Variants in PON2 observed in about 807,000 individuals in gnomAD.
PON2 encodes the protein paraoxonase 2.
PON2 carries 27 observed loss-of-function variants against 36.6 expected under a neutral mutation model. That is an observed-to-expected ratio of 0.74 (90% CI 0.54 to 1.02). PON2 has a LOEUF of 1.02. PON2 is among the 50% of genes least tolerant of loss of function. The pLI, the probability that PON2 is intolerant of heterozygous loss-of-function variation, is 0.00. For missense variants in PON2, 363 were observed against 421.1 expected (o/e 0.86, Z 1.21); for synonymous variants, 149 against 156.3 (o/e 0.95, Z 0.35).
At chr7:95,434,777 G>A (rs1789524600) in intron 1 of PON2, 101 bp downstream of exon 1, 3 of 1,347,656 alleles carry the variant, frequency 2.2e-6, no homozygotes, top group South Asian at 1.3e-5. Context: ...GCAGGGCCAG[G>A]TCCCGCAGGA....
chr7:95,434,856 G>A (rs1443221805), intron 1 of PON2, 22 bp downstream of exon 1: 2 of 1,537,560 alleles, frequency 1.3e-6, no homozygotes, highest in Admixed American at 4.0e-5. Flanking sequence ...GCCGAGGAGG[G>A]GCGCGCGGGA....
At chr7:95,407,461 T>C (rs1441329788) in intron 6 of PON2, among the ~76,000 whole-genome samples, 1 of 152,194 alleles carries the variant, frequency 6.6e-6, no homozygotes, top group Non-Finnish European at 1.5e-5. Flanking sequence ...AAGAACATCT[T>C]ATTAAAATAG....
At chr7:95,431,715 C>T (rs890455730) in intron 1 of PON2, among the ~76,000 whole-genome samples, 3 of 151,950 alleles carry the variant, frequency 2.0e-5, no homozygotes, top group Non-Finnish European at 2.9e-5. Context: ...CCACTGTGTC[C>T]GGCCAAACAT....
At chr7:95,414,388 A>G (rs1789013137) in intron 3 of PON2, among the ~76,000 whole-genome samples, 2 of 152,232 alleles carry the variant, frequency 1.3e-5, no homozygotes, top group South Asian at 4.1e-4. Flanking sequence ...TAAATTTTAA[A>G]AAAAGTCAAA....
chr7:95,411,913 C>T (rs1788937326), intron 4 of PON2, 134 bp from the exon 5 acceptor site: 2 of 930,880 alleles, frequency 2.1e-6, no homozygotes, highest in Admixed American at 2.1e-5. Flanking sequence ...AGATCATTCT[C>T]TGTCTTTCCT....
intron 1 of PON2, among the ~76,000 whole-genome samples, chr7:95,431,346 C>T (rs759678785): frequency 4.6e-5 from 7 of 151,996 alleles, no homozygotes; most frequent in Admixed American, 1.3e-4. Context: ...CAGATTAAAG[C>T]AAAAATCAAA....
chr7:95,430,800 A>G (rs1041977874), intron 1 of PON2, among the ~76,000 whole-genome samples: 1 of 151,942 alleles, frequency 6.6e-6, no homozygotes, highest in African/African-American at 2.4e-5. Context: ...TTTTTAAAAG[A>G]TAGATTAAAA....
chr7:95,412,520 A>G, intron 3 of PON2, 43 bp from the exon 4 acceptor site: 2 of 1,580,134 alleles, frequency 1.3e-6, no homozygotes, highest in East Asian at 2.2e-5. Flanking sequence ...AAGCTTAAGT[A>G]TTTTTATGGA....
intron 3 of PON2, chr7:95,413,112 C>G (rs369584761): frequency 2.2e-4 from 16 of 73,230 alleles, no homozygotes; most frequent in African/African-American, 1.2e-3. Flanking sequence ...GACTCTGTCT[C>G]TACAAAAAAA....
intron 4 of PON2, 97 bp downstream of exon 4, chr7:95,412,212 ATTG>A (rs1585749090): frequency 1.4e-6 from 2 of 1,473,876 alleles, no homozygotes; most frequent in East Asian, 4.5e-5. Context: ...TCATGAGTTA[ATTG>A]TTCTTCTCTT....
At position 95,424,488 on chromosome 7, in the gene PON2, G is replaced by A. The variant is rs778825708; in HGVS notation, c.145+27C>T. ...TGTTAATGGCCAAAAAATGCAATGT[G>A]CCCAACAAGCATTTTCATATACATA... is the stretch of plus-strand genomic sequence containing the variant. On this transcript the variant is annotated intron_variant, in intron 2 of 8. Transcript: ENST00000222572. The A allele has an allele frequency of 3.1e-6, 5 of 1,587,394 alleles. No individual in the cohort carries two copies. In the South Asian group the frequency reaches 5.5e-5, roughly 18 times the overall value.
chr7:95,429,857 A>G (rs936208541), intron 1 of PON2, among the ~76,000 whole-genome samples: 16 of 152,290 alleles, frequency 1.1e-4, no homozygotes, highest in Non-Finnish European at 1.9e-4. Context: ...TAAGTAACTA[A>G]GAATCTGTGC....
At chr7:95,406,650 G>T (rs975009458) in intron 7 of PON2, among the ~76,000 whole-genome samples, 3 of 152,172 alleles carry the variant, frequency 2.0e-5, no homozygotes, top group Non-Finnish European at 4.4e-5. Context: ...ATTATTGAAA[G>T]AACTGACACT....
chr7:95,430,190 C>A, intron 1 of PON2, among the ~76,000 whole-genome samples: 1 of 152,010 alleles, frequency 6.6e-6, no homozygotes, highest in East Asian at 1.9e-4. Context: ...TTTGGCAGGG[C>A]TCAGTAGCTC....
chr7:95,416,120 C>T (rs547941751), intron 3 of PON2, 122 bp downstream of exon 3: 2 of 1,515,860 alleles, frequency 1.3e-6, no homozygotes, highest in South Asian at 1.2e-5. Flanking sequence ...CTTGTTTGAC[C>T]TCTCTTTTCT....
intron 2 of PON2, among the ~76,000 whole-genome samples, chr7:95,423,807 G>A (rs187442447): frequency 1.3e-5 from 2 of 152,114 alleles, no homozygotes; most frequent in South Asian, 2.1e-4. Context: ...CGTGTGGTTG[G>A]GGAGGCTTCA....
At position 95,422,901 on chromosome 7, in the gene PON2, T is replaced by C. The variant is rs183798791; in HGVS notation, c.145+1614A>G. Among the ~76,000 whole-genome samples the C allele has an allele frequency of 7.9e-5, 12 of 152,296 alleles. No individual in the cohort carries two copies. In the East Asian group the frequency reaches 1.7e-3, roughly 22 times the overall value. Reference sequence around the variant, plus strand: ...AACCATTAGTCTAATCACAAACTCATCATTATAGGTGACAAATACAAAAAC... The same window carrying C: ...AACCATTAGTCTAATCACAAACTCACCATTATAGGTGACAAATACAAAAAC... On this transcript the variant is annotated intron_variant, in intron 2 of 8. Coordinates refer to ENST00000222572, the MANE Select transcript of PON2 (RefSeq NM_000305.3).
At chr7:95,410,142 T>C (rs1202910271) in intron 5 of PON2, 41 bp from the exon 6 acceptor site, 2 of 1,456,972 alleles carry the variant, frequency 1.4e-6, no homozygotes, top group Non-Finnish European at 1.9e-6. Flanking sequence ...ACAAAAGGCC[T>C]GTTGGTCTCC....
At chr7:95,419,321 G>C (rs1045179712) in intron 2 of PON2, among the ~76,000 whole-genome samples, 16 of 152,088 alleles carry the variant, frequency 1.1e-4, no homozygotes, top group Admixed American at 2.6e-4. Context: ...AGTTGGGGGG[G>C]ATCTGGGGAG....
Sources: allele counts gnomAD v4.1 joint callset (sites outside exome capture counted in the v4.1 genomes callset), GRCh38; gene constraint gnomAD v4.1.1; transcripts MANE v1.5; gene names NCBI Gene and HGNC (gene_info 2026-07-23, HGNC 2026-07-21).